The following CFAP69 variants were observed in gnomAD, a reference collection of about 807,000 sequenced individuals.
The protein encoded by CFAP69 is cilia and flagella associated protein 69, also known as cilia- and flagella-associated protein 69.
CFAP69 carries 92 observed loss-of-function variants against 123.0 expected under a neutral mutation model. The ratio of observed to expected loss-of-function variants is 0.75; its 90% CI spans 0.63 to 0.89. The LOEUF (loss-of-function observed/expected upper bound fraction) is 0.89, where lower values mean the gene tolerates loss of function less well. Among genes scored for constraint, CFAP69 ranks in the 40% least tolerant of loss-of-function variants. The pLI is 0.00. For missense variants in CFAP69, 1,067 were observed against 1,096.9 expected (o/e 0.97, Z 0.39); for synonymous variants, 380 against 364.3 (o/e 1.04, Z -0.49).
Position 90,277,106 on chromosome 7 carries a change from G to T in CFAP69, c.1018G>T (p.Ala340Ser). 6.3e-7 allele frequency: 1 copy of T among 1,578,508 alleles called. No homozygotes were observed. The highest frequency in any genetic ancestry group is 8.6e-7 in the Non-Finnish European group (1 of 1,161,080). The change falls in exon 10 of 23, where the codon GCC (alanine) becomes TCC (serine). Residue 340 changes from alanine to serine, a missense_variant. Physicochemically the swap from Ala to Ser is moderately conservative, Grantham distance 99. Coordinates refer to ENST00000389297, the MANE Select transcript of CFAP69 (RefSeq NM_001039706.3). ...CGFTKDLILF[A>S]TFNEVKSQNL... is the part of the protein sequence containing the mutation. ...CTTTACCAAGGATTTGATACTGTTT[G>T]CCACCTTTAATGAAGGTAAAAAGAA...
the CFAP69 span, chr7:90,317,807 G>A: frequency 1.1e-4 from 16 of 152,030 alleles, no homozygotes; most frequent in Admixed American, 2.6e-4. Flanking sequence ...TATTTTAGCC[G>A]ATTTTAAAAC....
chr7:90,295,329 A>T (rs1791785905), intron 15 of CFAP69, among the ~76,000 whole-genome samples: 2 of 152,088 alleles, frequency 1.3e-5, no homozygotes, highest in African/African-American at 4.8e-5. Flanking sequence ...TTTTAATAAG[A>T]GGGGCTTTTA....
rs759041739 is a variant in CFAP69, at chr7:90,307,834, T to A, written c.2530T>A (p.Ser844Thr). 5.0e-6 allele frequency: 8 copies of A among 1,611,434 alleles called. No individual in the cohort carries two copies. Among genetic ancestry groups the A allele is most frequent in the Non-Finnish European group, 6.8e-6 (8 of 1,178,196 alleles). Residue 844 changes from serine to threonine, a missense_variant, in exon 21 of 23, where the codon TCA becomes ACA. By Grantham distance (58) the Ser-to-Thr change is moderately conservative. Coordinates refer to ENST00000389297, the MANE Select transcript of CFAP69 (RefSeq NM_001039706.3). ...ATGGGAAGATTTCTTGGCTAGAACATCAAACGCTAAAACGTTAAAGGTAGG... is the reference window on the plus strand; with the variant it reads ...ATGGGAAGATTTCTTGGCTAGAACAACAAACGCTAAAACGTTAAAGGTAGG... ...KSWEDFLART[S>T]NAKTLKKAKS...
intron 15 of CFAP69, among the ~76,000 whole-genome samples, chr7:90,292,708 G>A (rs747798280): frequency 5.3e-5 from 8 of 151,980 alleles, no homozygotes; most frequent in Middle Eastern, 3.2e-3. Flanking sequence ...TTGACTCTGG[G>A]CGGAAAAAAG....
At chr7:90,280,162 T>C (rs1314680122) in intron 12 of CFAP69, among the ~76,000 whole-genome samples, 2 of 152,130 alleles carry the variant, frequency 1.3e-5, no homozygotes, top group African/African-American at 4.8e-5. Context: ...CTAAAAATTA[T>C]ATTTGGGAAG....
intron 6 of CFAP69, 142 bp downstream of exon 6, chr7:90,268,526 TTGG>T: frequency 1.7e-6 from 1 of 575,490 alleles, no homozygotes; most frequent in Middle Eastern, 3.3e-4. Context: ...CTTGAGCTCT[TTGG>T]TCATCTTTTG....
rs1157640180 is a variant in CFAP69, at chr7:90,271,862, AG to A, written c.765del (p.Gln255HisfsTer35). The A allele has an allele frequency of 1.2e-6, 2 of 1,609,164 alleles. No individual in the cohort carries two copies. Among genetic ancestry groups the A allele is most frequent in the East Asian group, 4.5e-5 (2 of 44,738 alleles). ...CTCAATGACCCAGATCCCTCTGGAC[AG>A]CTTTTATTTCGTTCATCAGAAATAC... is the stretch of plus-strand genomic sequence containing the variant. The part of the protein sequence containing the change: ...THLNDPDPSG[Q>X]LLFRSSEILW... On this transcript the variant is annotated frameshift_variant, in exon 8 of 23. Transcript: ENST00000389297. LOFTEE classifies it high-confidence loss of function.
At position 90,275,805 on chromosome 7, in the gene CFAP69, T is replaced by C. The variant is rs10224252; in HGVS notation, c.985-1268T>C. On this transcript the variant is annotated intron_variant, in intron 9 of 22. Coordinates refer to ENST00000389297, the MANE Select transcript of CFAP69 (RefSeq NM_001039706.3). Reference sequence around the variant, plus strand: ...TTTTAGTAGAGACAGGGTTTCACTGTGTTAGCCAGGATGGTCTCGATCTCC... The same window carrying C: ...TTTTAGTAGAGACAGGGTTTCACTGCGTTAGCCAGGATGGTCTCGATCTCC... 5.8e-3 allele frequency among the ~76,000 whole-genome samples: 888 copies of C among 152,034 alleles called. 15 individuals are homozygous for C. Among genetic ancestry groups the C allele is most frequent in the African/African-American group, 0.02 (839 of 41,474 alleles).
chr7:90,275,590 CTTTTTTTTTTTTTTTTTT>C (rs57578763), intron 9 of CFAP69, among the ~76,000 whole-genome samples: 2 of 62,040 alleles, frequency 3.2e-5, no homozygotes, highest in African/African-American at 1.3e-4. Flanking sequence ...GGCCAAAAGC[CTTTTTTTTTTTTTTTTTT>C]TTTTTTTTTT....
intron 13 of CFAP69, among the ~76,000 whole-genome samples, chr7:90,285,635 G>A (rs1329923626): frequency 1.3e-5 from 2 of 152,094 alleles, no homozygotes; most frequent in Non-Finnish European, 2.9e-5. Context: ...GGAATAGAAA[G>A]CACACCTAAA....
chr7:90,298,492 G>A (rs1472502177), intron 16 of CFAP69, among the ~76,000 whole-genome samples: 4 of 152,120 alleles, frequency 2.6e-5, no homozygotes, highest in Admixed American at 6.6e-5. Flanking sequence ...GTTCTAGCCC[G>A]CTCCCTGTCC....
intron 1 of CFAP69, among the ~76,000 whole-genome samples, chr7:90,249,739 T>C (rs533387758): frequency 4.6e-5 from 7 of 152,204 alleles, no homozygotes; most frequent in Non-Finnish European, 7.3e-5. Flanking sequence ...ATGGGGATCT[T>C]ATTAAAATGT....
Position 90,304,821 on chromosome 7 carries a change from G to A in CFAP69, c.2265+1G>A. 1 of 1,444,374 alleles carries A rather than the reference G, an allele frequency of 6.9e-7. No homozygotes were observed. The highest frequency in any genetic ancestry group is 9.6e-7 in the Non-Finnish European group (1 of 1,040,952). 89.5% of individuals were successfully genotyped at this position (1,444,374 alleles called of 1,614,324 possible). A position where few individuals can be genotyped will look rare whatever the true frequency, so the allele number is the denominator to read the frequency against. On this transcript the variant is annotated splice_donor_variant, in intron 19 of 22. Transcript: ENST00000389297. LOFTEE classifies it high-confidence loss of function. Reference sequence around the variant, plus strand: ...CATACATAGATATCTTGATTTTAAAGTAAGTATCTTTTTAATAACCTGATT... The same window carrying A: ...CATACATAGATATCTTGATTTTAAAATAAGTATCTTTTTAATAACCTGATT...
intron 1 of CFAP69, among the ~76,000 whole-genome samples, chr7:90,251,125 C>A (rs1418279248): frequency 6.6e-6 from 1 of 152,086 alleles, no homozygotes; most frequent in African/African-American, 2.4e-5. Flanking sequence ...CTGGTTAAAT[C>A]TTGTGGAAAT....
chr7:90,279,502 CTT>C (rs1789118963), intron 11 of CFAP69, among the ~76,000 whole-genome samples, 173 bp from the exon 12 acceptor site: 1 of 150,226 alleles, frequency 6.7e-6, no homozygotes, highest in African/African-American at 2.4e-5. Flanking sequence ...AGGATTATAA[CTT>C]ATTTAATTTT....
intron 13 of CFAP69, 143 bp downstream of exon 13, chr7:90,283,199 C>T (rs2027965): frequency 0.53 from 304,012 of 573,902 alleles, 84,853 homozygotes; most frequent in Non-Finnish European, 0.57. Flanking sequence ...TTTCATATTG[C>T]TGCTATAAAT....
At chr7:90,304,402 C>T in intron 18 of CFAP69, 1 of 1,198,308 alleles carries the variant, frequency 8.3e-7, no homozygotes, top group African/African-American at 1.6e-5. Context: ...TTCTGAGTCA[C>T]TTGAGTTTTT....
chr7:90,304,407 G>GTTT, intron 18 of CFAP69: 8 of 991,390 alleles, frequency 8.1e-6, no homozygotes, highest in East Asian at 5.2e-5. Flanking sequence ...AGTCACTTGA[G>GTTT]TTTTTTTTTT....
chr7:90,304,132 A>G lies in CFAP69; in HGVS notation c.2188+26A>G, dbSNP rs777882936. ...GTAAGAAGTTCTCTTCAAATTTGCA[A>G]GAGTCTGTTTTGCTAAGTATACACA... On this transcript the variant is annotated intron_variant, in intron 18 of 22. Coordinates refer to ENST00000389297, the MANE Select transcript of CFAP69 (RefSeq NM_001039706.3). 1.2e-4 allele frequency: 183 copies of G among 1,541,386 alleles called. 2 individuals are homozygous for G. The Middle Eastern group carries it at 0.012, about 102-fold the overall frequency.
Sources: allele counts gnomAD v4.1 joint callset (sites outside exome capture counted in the v4.1 genomes callset), GRCh38; gene constraint gnomAD v4.1.1; transcripts MANE v1.5; gene names NCBI Gene and HGNC (gene_info 2026-07-23, HGNC 2026-07-21).